Variants in HECTD2 observed in about 807,000 individuals in gnomAD.
HECTD2 encodes probable E3 ubiquitin-protein ligase HECTD2.
Under a neutral mutation model 103.2 loss-of-function variants are expected in HECTD2, and 35 were observed. The observed-to-expected ratio is 0.34, with a 90% CI of 0.26 to 0.45. HECTD2 has a LOEUF of 0.45. Ranked by LOEUF, HECTD2 falls within the 20% of genes least tolerant of loss-of-function variation. The pLI is 1.00. For missense variants in HECTD2, 596 were observed against 937.4 expected (o/e 0.64, Z 4.76); for synonymous variants, 281 against 329.9 (o/e 0.85, Z 1.61).
intron 12 of HECTD2, 77 bp from the exon 13 acceptor site, chr10:91,492,275 C>A: frequency 1.5e-6 from 2 of 1,365,534 alleles, no homozygotes; most frequent in Non-Finnish European, 2.1e-6. Context: ...CTGCCTAACA[C>A]ATTTCCCAGA....
At chr10:91,461,163 G>A (rs1274705616) in intron 3 of HECTD2, 91 bp from the exon 4 acceptor site, 6 of 604,712 alleles carry the variant, frequency 9.9e-6, no homozygotes, top group Admixed American at 9.0e-5. Flanking sequence ...TCAGTATTTT[G>A]TATTGCATGT....
chr10:91,513,601 A>AGTT lies in HECTD2; in HGVS notation c.*1218_*1220dup, dbSNP rs1359651807. The AGTT allele has an allele frequency of 6.6e-6, 1 of 152,636 alleles. No individual in the cohort carries two copies. The highest frequency in any genetic ancestry group is 1.5e-5 in the Non-Finnish European group (1 of 68,044). 9.5% of individuals were successfully genotyped at this position (152,636 alleles called of 1,614,324 possible). ...TTTTTTAATTTACAGCAAATGAAGCAGTTTTATTAGCATGTTACAAATATT... is the reference window on the plus strand; with the variant it reads ...TTTTTTAATTTACAGCAAATGAAGCAGTTGTTTTATTAGCATGTTACAAATATT... On this transcript the variant is annotated 3_prime_UTR_variant, in exon 21 of 21. Coordinates refer to ENST00000298068, the MANE Select transcript of HECTD2 (RefSeq NM_182765.6).
chr10:91,463,580 A>G (rs1845431007), intron 5 of HECTD2: 1 of 152,188 alleles, frequency 6.6e-6, no homozygotes, highest in South Asian at 2.1e-4. Context: ...ATCTCCTTCT[A>G]ATCCTGTATC....
At chr10:91,500,286 G>T (rs55909420) in intron 18 of HECTD2, among the ~76,000 whole-genome samples, 3 of 152,070 alleles carry the variant, frequency 2.0e-5, no homozygotes, top group African/African-American at 7.2e-5. Context: ...TCTGGCAAAC[G>T]GCTAATTACT....
chr10:91,422,694 T>C (rs1167545058), intron 1 of HECTD2, among the ~76,000 whole-genome samples: 16 of 152,184 alleles, frequency 1.1e-4, no homozygotes, highest in Non-Finnish European at 1.0e-4. Context: ...TTTACCAATA[T>C]TATGCAAATT....
Position 91,462,163 on chromosome 10 carries a change from G to A in HECTD2, c.579G>A (p.Val193=). ...SGINAKFVNA[V]YDTLLNTPQD... ...TTAATGCTAAATTTGTGAATGCTGTGTATGATACCTTACTTAATACTGTAA... is the reference window on the plus strand; with the variant it reads ...TTAATGCTAAATTTGTGAATGCTGTATATGATACCTTACTTAATACTGTAA... The change falls in exon 5 of 21, where the codon GTG becomes GTA. Residue 193 remains valine (V), a synonymous_variant. Transcript: ENST00000298068. The A allele has an allele frequency of 1.3e-6, 2 of 1,586,374 alleles. No individual in the cohort carries two copies. Among genetic ancestry groups the A allele is most frequent in the South Asian group, 1.1e-5 (1 of 89,858 alleles).
At chr10:91,453,775 T>C (rs368051064) in intron 2 of HECTD2, among the ~76,000 whole-genome samples, 1 of 152,142 alleles carries the variant, frequency 6.6e-6, no homozygotes, top group African/African-American at 2.4e-5. Context: ...CCCAACTGTT[T>C]TCTATTTATA....
At position 91,461,372 on chromosome 10, in the gene HECTD2, A is replaced by T; in HGVS notation, c.510+16A>T. ...TGCATTTAAGGTAATTATACATAAA[A>T]CACACTTTTCATTTCACTTTTAGTT... On this transcript the variant is annotated intron_variant, in intron 4 of 20. Transcript: ENST00000298068. 10 of 1,191,168 alleles carry T rather than the reference A, an allele frequency of 8.4e-6. No individual in the cohort carries two copies. The highest frequency in any genetic ancestry group is 1.6e-5 in the African/African-American group (1 of 61,032). 73.8% of individuals were successfully genotyped at this position (1,191,168 alleles called of 1,614,324 possible).
Position 91,414,821 on chromosome 10 carries a change from T to C in HECTD2, c.138+4245T>C, listed in dbSNP as rs547116901. 5.3e-5 allele frequency among the ~76,000 whole-genome samples: 8 copies of C among 152,196 alleles called. No homozygotes were observed. The South Asian group carries it at 1.7e-3, about 32-fold the overall frequency. ...CCAGTGGAAGCATGCTGGGAACTTG[T>C]GGGAGGTGAGAAAGATTGCATGGGG... On this transcript the variant is annotated intron_variant, in intron 1 of 20. Transcript: ENST00000298068.
chr10:91,450,409 T>TA (rs1844757471), intron 2 of HECTD2, among the ~76,000 whole-genome samples: 1 of 151,864 alleles, frequency 6.6e-6, no homozygotes, highest in African/African-American at 2.4e-5. Flanking sequence ...TAAAACCTAA[T>TA]ACTGTGAAAA....
chr10:91,492,303 T>C, intron 12 of HECTD2, 49 bp from the exon 13 acceptor site: 2 of 1,553,362 alleles, frequency 1.3e-6, no homozygotes, highest in Non-Finnish European at 8.8e-7. Context: ...ATGTTAATTC[T>C]CTTTTCACTG....
intron 20 of HECTD2, among the ~76,000 whole-genome samples, chr10:91,506,118 A>G (rs1224246682): frequency 3.4e-3 from 466 of 137,160 alleles, no homozygotes; most frequent in Middle Eastern, 8.0e-3. Context: ...GGACACATTC[A>G]AAGCAGTGTG....
At chr10:91,462,306 T>C (rs1227205112) in intron 5 of HECTD2, 122 bp downstream of exon 5, 12 of 1,187,072 alleles carry the variant, frequency 1.0e-5, no homozygotes, top group South Asian at 2.4e-5. Flanking sequence ...AATTTTATAG[T>C]AAATGTAGCT....
chr10:91,496,434 C>G lies in HECTD2; in HGVS notation c.1680+62C>G, dbSNP rs552731646. 3,850 of 1,156,780 alleles carry G rather than the reference C, an allele frequency of 3.3e-3. 17 individuals carry two copies. Among genetic ancestry groups the G allele is most frequent in the Non-Finnish European group, 4.4e-3 (3,478 of 791,920 alleles). The allele number at this position is 1,156,780 out of a possible 1,614,324, so 71.7% of individuals were successfully genotyped here. ...CGAAATCATCTTTTTTCTACCTGCA[C>G]AGTCTCTCCTCCTAATGCTATTCTT... On this transcript the variant is annotated intron_variant, in intron 15 of 20. Coordinates refer to ENST00000298068, the MANE Select transcript of HECTD2 (RefSeq NM_182765.6).
chr10:91,478,154 C>G (rs774079201), intron 5 of HECTD2, 47 bp from the exon 6 acceptor site: 2 of 1,211,536 alleles, frequency 1.7e-6, no homozygotes, highest in East Asian at 2.3e-5. Context: ...ATAAACGTCA[C>G]CTAATTTGGT....
At chr10:91,427,264 G>A (rs548430214) in intron 2 of HECTD2, among the ~76,000 whole-genome samples, 9 of 151,882 alleles carry the variant, frequency 5.9e-5, no homozygotes, top group African/African-American at 2.2e-4. Context: ...TGGACATTTG[G>A]GTTGGTTCCA....
At chr10:91,493,591 C>G (rs1846556049) in intron 14 of HECTD2, 83 bp downstream of exon 14, 2 of 700,154 alleles carry the variant, frequency 2.9e-6, no homozygotes, top group Non-Finnish European at 4.6e-6. Context: ...AAACTGTTTT[C>G]TTTAGCCATT....
intron 2 of HECTD2, among the ~76,000 whole-genome samples, chr10:91,456,721 A>G (rs1055769170): frequency 7.9e-4 from 120 of 152,134 alleles, no homozygotes; most frequent in Non-Finnish European, 1.3e-3. Context: ...GTTTGTCATA[A>G]ATAGCTCTTA....
chr10:91,439,286 T>C (rs1014216376), intron 2 of HECTD2, among the ~76,000 whole-genome samples: 6 of 152,224 alleles, frequency 3.9e-5, no homozygotes, highest in Non-Finnish European at 7.3e-5. Context: ...GTTTCAGTTT[T>C]CTGCATATGG....
Sources: gnomAD v4.1 joint callset for allele counts (sites outside exome capture counted in the v4.1 genomes callset) on GRCh38, gnomAD v4.1.1 for gene constraint, MANE v1.5 for transcripts, NCBI Gene and HGNC (gene_info 2026-07-23, HGNC 2026-07-21) for gene names.